The following ORC3 variants were observed in gnomAD, a reference collection of about 807,000 sequenced individuals.
ORC3 encodes the protein origin recognition complex subunit 3.
In ORC3, 78 loss-of-function variants were observed where a neutral mutation model predicts 100.7. The ratio of observed to expected loss-of-function variants is 0.77; its 90% CI spans 0.65 to 0.94. The LOEUF is 0.94. Ranked by LOEUF, ORC3 falls within the 40% of genes least tolerant of loss-of-function variation. ORC3 has a pLI of 0.00. For missense variants in ORC3, 789 were observed against 823.9 expected (o/e 0.96, Z 0.52); for synonymous variants, 295 against 289.3 (o/e 1.02, Z -0.20).
chr6:87,653,612 A>G (rs28381513), intron 14 of ORC3, among the ~76,000 whole-genome samples: 1 of 152,238 alleles, frequency 6.6e-6, no homozygotes, highest in Non-Finnish European at 1.5e-5. Context: ...TAAGCATTTC[A>G]TCAAGTTCTT....
At chr6:87,610,926 G>A (rs1322437483) in intron 7 of ORC3, among the ~76,000 whole-genome samples, 1 of 146,248 alleles carries the variant, frequency 6.8e-6, no homozygotes, top group Non-Finnish European at 1.5e-5. Flanking sequence ...CTATATATTA[G>A]GACTTTTCTT....
intron 11 of ORC3, among the ~76,000 whole-genome samples, chr6:87,632,288 TG>T (rs1315990378): frequency 9.8e-5 from 15 of 152,386 alleles, no homozygotes; most frequent in South Asian, 4.1e-4. Flanking sequence ...TCATTTGTGA[TG>T]TTTTTTGTTG....
At chr6:87,677,785 T>TTC in the ORC3 span, 1 of 1,599,082 alleles carries the variant, frequency 6.3e-7, no homozygotes, top group Non-Finnish European at 8.5e-7. Flanking sequence ...CACAACTGAG[T>TTC]TCCTCAGAAA....
intron 13 of ORC3, among the ~76,000 whole-genome samples, chr6:87,640,970 G>T (rs756956383): frequency 6.6e-6 from 1 of 152,036 alleles, no homozygotes; most frequent in Non-Finnish European, 1.5e-5. Flanking sequence ...TTAGCCAGGC[G>T]TGGTGGCAAG....
At chr6:87,664,961 G>T in intron 18 of ORC3, 102 bp downstream of exon 18, 1 of 689,166 alleles carries the variant, frequency 1.5e-6, no homozygotes. Flanking sequence ...TTTATCTTGT[G>T]TTTAATGCCT....
rs894798682 is a variant in ORC3, at chr6:87,659,352, G to A, written c.1691+1334G>A. On this transcript the variant is annotated intron_variant, in intron 16 of 19. Transcript: ENST00000392844. Reference sequence around the variant, plus strand: ...GCTGGGATTACAGGCGTGAGCCACCGCGCCCGGCCCTGTTTATTGTAATTT... The same window carrying A: ...GCTGGGATTACAGGCGTGAGCCACCACGCCCGGCCCTGTTTATTGTAATTT... 4.0e-5 allele frequency among the ~76,000 whole-genome samples: 6 copies of A among 151,506 alleles called. No individual in the cohort carries two copies. In the East Asian group the frequency reaches 1.2e-3, roughly 30 times the overall value.
chr6:87,636,153 C>T (rs1479987116), intron 12 of ORC3, among the ~76,000 whole-genome samples: 1 of 151,934 alleles, frequency 6.6e-6, no homozygotes, highest in Non-Finnish European at 1.5e-5. Flanking sequence ...AGGATGGTCT[C>T]GATCTTCTGA....
At chr6:87,605,842 ATATGT>A in intron 4 of ORC3, 70 bp from the exon 5 acceptor site, 1 of 771,168 alleles carries the variant, frequency 1.3e-6, no homozygotes, top group East Asian at 2.6e-5. Context: ...TGTTTGCTTG[ATATGT>A]TAAATAGCTT....
At position 87,654,958 on chromosome 6, in the gene ORC3, GAAT is replaced by G. The variant is rs1245515086; in HGVS notation, c.1516+1712_1516+1714del. On this transcript the variant is annotated intron_variant, in intron 14 of 19. Transcript: ENST00000392844. Reference sequence around the variant, plus strand: ...AGATTAAGATGATTAGTAGCCTAAAGAATAAAGAATTTTACAAATTAAAGCACA... The same window carrying G: ...AGATTAAGATGATTAGTAGCCTAAAGAAAGAATTTTACAAATTAAAGCACA... Among the ~76,000 whole-genome samples the G allele has an allele frequency of 7.9e-5, 12 of 152,260 alleles. No individual in the cohort carries two copies. In the South Asian group the frequency reaches 2.3e-3, roughly 29 times the overall value.
rs1156943778 is a variant in ORC3, at chr6:87,644,079, C to CTT, written c.1382+7623_1382+7624dup. 4.3e-3 allele frequency among the ~76,000 whole-genome samples: 220 copies of CTT among 51,418 alleles called. 35 individuals carry two copies. The highest frequency in any genetic ancestry group is 6.9e-3 in the African/African-American group (73 of 10,514). 33.7% of individuals were successfully genotyped at this position (51,418 alleles called of 152,430 possible). A position where few individuals can be genotyped will look rare whatever the true frequency, so the allele number is the denominator to read the frequency against. Reference sequence around the variant, plus strand: ...CCACAGATACAGATGGCTGACTGTCCTTTTTTTTTTTTTTTTTTTTTTTTT... The same window carrying CTT: ...CCACAGATACAGATGGCTGACTGTCCTTTTTTTTTTTTTTTTTTTTTTTTTTT... On this transcript the variant is annotated intron_variant, in intron 13 of 19. Coordinates refer to ENST00000392844, the MANE Select transcript of ORC3 (RefSeq NM_012381.4).
Position 87,622,003 on chromosome 6 carries a change from G to T in ORC3, c.1175G>T (p.Arg392Ile), listed in dbSNP as rs758883003. The T allele has an allele frequency of 6.2e-7, 1 of 1,604,642 alleles. No homozygotes were observed. The highest frequency in any genetic ancestry group is 1.3e-5 in the African/African-American group (1 of 74,788). ...EKQVALLTNE[R>I]YLKEETQLLL... ...CAAGTTGCGCTCTTGACCAATGAGA[G>T]ATATTTGAAGGTAGGAATGTGAATG... Residue 392 changes from arginine to isoleucine, a missense_variant, in exon 11 of 20, where the codon AGA becomes ATA. This residue lies in a region of ORC3 where 366 missense variants were observed against 394.2 expected (regional missense o/e 0.93). Coordinates refer to ENST00000392844, the MANE Select transcript of ORC3 (RefSeq NM_012381.4).
intron 3 of ORC3, among the ~76,000 whole-genome samples, chr6:87,602,099 G>A (rs1286415951): frequency 6.6e-6 from 1 of 152,040 alleles, no homozygotes; most frequent in Non-Finnish European, 1.5e-5. Flanking sequence ...GGGCATGGTG[G>A]TGTGCACTTG....
intron 2 of ORC3, among the ~76,000 whole-genome samples, chr6:87,596,985 T>C (rs1204189336): frequency 6.6e-6 from 1 of 152,216 alleles, no homozygotes; most frequent in Admixed American, 6.5e-5. Context: ...AAACTGATAT[T>C]AATACAATCT....
chr6:87,676,801 G>T, the ORC3 span, among the ~76,000 whole-genome samples: 3 of 150,984 alleles, frequency 2.0e-5, no homozygotes, highest in African/African-American at 4.9e-5. Context: ...AATTGGCCGG[G>T]CATGGTGGCT....
chr6:87,629,783 G>C (rs1252567107), intron 11 of ORC3, among the ~76,000 whole-genome samples: 1 of 151,990 alleles, frequency 6.6e-6, no homozygotes, highest in African/African-American at 2.4e-5. Flanking sequence ...TAGCTCTCAC[G>C]TATAAGTGAG....
chr6:87,605,029 C>G lies in ORC3; in HGVS notation c.323-888C>G, dbSNP rs183584899. 2.8e-3 allele frequency among the ~76,000 whole-genome samples: 421 copies of G among 152,200 alleles called. 4 individuals carry two copies. The highest frequency in any genetic ancestry group is 2.3e-3 in the East Asian group (12 of 5,190). On this transcript the variant is annotated intron_variant, in intron 4 of 19. Transcript: ENST00000392844. ...ACAGATGGTTATGTTAGGGAAGATA[C>G]CAGTTAACAGAATTTTTTTCCAAAG...
At chr6:87,665,942 T>C (rs1481359480) in intron 19 of ORC3, 109 bp downstream of exon 19, 9 of 601,438 alleles carry the variant, frequency 1.5e-5, no homozygotes, top group South Asian at 1.1e-4. Context: ...CAAACAACCG[T>C]ATTACTTGTT....
intron 7 of ORC3, among the ~76,000 whole-genome samples, chr6:87,610,447 G>C (rs1052479527): frequency 6.6e-6 from 1 of 152,014 alleles, no homozygotes; most frequent in African/African-American, 2.4e-5. Flanking sequence ...GACCTCAGGT[G>C]ATCTGCCTTC....
At chr6:87,651,044 C>A in intron 13 of ORC3, 2 of 387,386 alleles carry the variant, frequency 5.2e-6, no homozygotes, top group Non-Finnish European at 5.1e-6. Context: ...GGACTAATAA[C>A]TATTTGAATC....
Sources: allele counts gnomAD v4.1 joint callset (sites outside exome capture counted in the v4.1 genomes callset), GRCh38; gene constraint gnomAD v4.1.1; regional missense constraint gnomAD v4.1.1; transcripts MANE v1.5; gene names NCBI Gene and HGNC (gene_info 2026-07-23, HGNC 2026-07-21).